The following VNN2 variants were observed in gnomAD, a reference collection of about 807,000 sequenced individuals.
VNN2 encodes pantetheine hydrolase VNN2.
VNN2 carries 43 observed loss-of-function variants against 43.0 expected under a neutral mutation model. The observed-to-expected ratio is 1.00, with a 90% CI of 0.78 to 1.29. The LOEUF is 1.29. Among genes scored for constraint, VNN2 ranks in the 50% most tolerant of loss-of-function variants. VNN2 has a pLI of 0.00. For missense variants in VNN2, 652 were observed against 619.7 expected, an observed-to-expected ratio of 1.05 and a Z score of -0.55; for synonymous variants, 230 against 224.3, an observed-to-expected ratio of 1.03 and a Z score of -0.23.
At chr6:132,757,099 G>A (rs972302144) in intron 2 of VNN2, among the ~76,000 whole-genome samples, 3 of 152,186 alleles carry the variant, frequency 2.0e-5, no homozygotes, top group Non-Finnish European at 4.4e-5. Context: ...AGAGGCTTTG[G>A]AATGTATTCC....
rs1434774374 is a variant in VNN2, at chr6:132,748,639, T to G, written c.1371+1056A>C. ...GAGAAGACATTAATATTCAAACCAC[T>G]GGAATATGTGTATGTATGCGTGTAT... On this transcript the variant is annotated intron_variant, in intron 6 of 6. Transcript: ENST00000326499. 2.6e-5 allele frequency among the ~76,000 whole-genome samples: 4 copies of G among 152,202 alleles called. No homozygotes were observed. In the East Asian group the frequency reaches 7.7e-4, roughly 29 times the overall value.
chr6:132,759,195 G>A (rs1025396858), upstream of VNN2, among the ~76,000 whole-genome samples: 3 of 152,062 alleles, frequency 2.0e-5, no homozygotes, highest in Admixed American at 6.5e-5. Context: ...CTAGCACTTT[G>A]GGAGGCCGAG....
chr6:132,756,854 T>C (rs906408915), intron 2 of VNN2, among the ~76,000 whole-genome samples: 1 of 152,214 alleles, frequency 6.6e-6, no homozygotes, highest in African/African-American at 2.4e-5. Context: ...GACTTGTCCA[T>C]GCAACTGCCA....
intron 5 of VNN2, among the ~76,000 whole-genome samples, chr6:132,750,218 C>G (rs372422601): frequency 6.6e-6 from 1 of 152,076 alleles, no homozygotes; most frequent in East Asian, 1.9e-4. Context: ...TTTTTCCACC[C>G]TTTAATCTCA....
chr6:132,762,334 T>C (rs953586675), upstream of VNN2, among the ~76,000 whole-genome samples: 1 of 152,210 alleles, frequency 6.6e-6, no homozygotes, highest in African/African-American at 2.4e-5. Flanking sequence ...TCATGTATTA[T>C]TATCAATGAC....
Position 132,757,408 on chromosome 6 carries a change from TA to T in VNN2, c.344+7del, listed in dbSNP as rs754238756. On this transcript the variant is annotated splice_region_variant and intron_variant, in intron 2 of 6. Coordinates refer to ENST00000326499, the MANE Select transcript of VNN2 (RefSeq NM_004665.6). Reference sequence around the variant, plus strand: ...CTTTTGCACAAAAGACTAAGATAGTTAAAATACCTGTGGGGGTCTTGACACG... The same window carrying T: ...CTTTTGCACAAAAGACTAAGATAGTTAAATACCTGTGGGGGTCTTGACACG... 4 of 1,589,146 alleles carry T rather than the reference TA, an allele frequency of 2.5e-6. No individual in the cohort carries two copies. The South Asian group carries it at 3.5e-5, about 14-fold the overall frequency.
At chr6:132,753,503 A>G (rs2114586098) in intron 3 of VNN2, 1 of 455,066 alleles carries the variant, frequency 2.2e-6, no homozygotes, top group Admixed American at 2.4e-5. Context: ...TTTCAAAATT[A>G]CCATAGAAAT....
At position 132,744,275 on chromosome 6, in the gene VNN2, A is replaced by T; in HGVS notation, c.*25T>A. The T allele has an allele frequency of 6.3e-7, 1 of 1,582,538 alleles. No individual in the cohort carries two copies. The highest frequency in any genetic ancestry group is 8.6e-7 in the Non-Finnish European group (1 of 1,168,422). ...ACACATTCAGCCAAGCATATGATGC[A>T]GAAGCTGAGTGATAAAGAGACGCCC... On this transcript the variant is annotated 3_prime_UTR_variant, in exon 7 of 7. Coordinates refer to ENST00000326499, the MANE Select transcript of VNN2 (RefSeq NM_004665.6).
At position 132,752,617 on chromosome 6, in the gene VNN2, C is replaced by A. The variant is rs1287325244; in HGVS notation, c.670G>T (p.Val224Leu). The change falls in exon 4 of 7, where the codon GTG becomes TTG. Residue 224 changes from valine to leucine, a missense_variant. Val to Leu is a conservative substitution (Grantham distance 32). Transcript: ENST00000326499. ...ATGGTGTCCACATGGAAATCTTTCA[C>A]CAGGGTAACACCAGGATCATAGAAG... is the stretch of plus-strand genomic sequence containing the variant. ...IFFYDPGVTL[V>L]KDFHVDTILF... 6.2e-7 allele frequency: 1 copy of A among 1,614,126 alleles called. No homozygotes were observed. The highest frequency in any genetic ancestry group is 8.5e-7 in the Non-Finnish European group (1 of 1,180,026).
At chr6:132,752,802 G>T in intron 3 of VNN2, 53 bp from the exon 4 acceptor site, 1 of 1,551,734 alleles carries the variant, frequency 6.4e-7, no homozygotes, top group South Asian at 1.3e-5. Context: ...TTGAAGAAAT[G>T]ACTCATAAAA....
upstream of VNN2, chr6:132,758,020 TC>T (rs371424201): frequency 0.11 from 35,744 of 321,218 alleles, 5,275 homozygotes; most frequent in African/African-American, 0.23. Context: ...TTCTTCTTCT[TC>T]TTCTTCTTCT....
chr6:132,758,656 G>T (rs142274405), upstream of VNN2, among the ~76,000 whole-genome samples: 5 of 149,738 alleles, frequency 3.3e-5, no homozygotes, highest in Non-Finnish European at 7.4e-5. Context: ...ATTTTTAGAC[G>T]GGGGGGAAAA....
upstream of VNN2, among the ~76,000 whole-genome samples, chr6:132,761,106 C>T (rs902606393): frequency 6.6e-6 from 1 of 151,918 alleles, no homozygotes; most frequent in African/African-American, 2.4e-5. Context: ...AAGTAAAAAA[C>T]CAAATTCAGG....
At chr6:132,758,642 G>A (rs568597902), upstream of VNN2, among the ~76,000 whole-genome samples, 3 of 152,076 alleles carry the variant, frequency 2.0e-5, no homozygotes, top group African/African-American at 7.2e-5. Context: ...CTTACATTGT[G>A]TTTATTTTTA....
Position 132,755,989 on chromosome 6 carries a change from C to T in VNN2, c.391G>A (p.Asp131Asn), listed in dbSNP as rs777948720. The T allele has an allele frequency of 1.2e-6, 2 of 1,614,038 alleles. No individual in the cohort carries two copies. The highest frequency in any genetic ancestry group is 1.7e-6 in the Non-Finnish European group (2 of 1,179,974). Residue 131 changes from aspartate to asparagine, a missense_variant, in exon 3 of 7, where the codon GAC (aspartate) becomes AAC (asparagine). Transcript: ENST00000326499. ...TTTGCCAAGACATAGATAGAGTTGT[C>T]CTTGGCCAGGCAGCTGAGTCTTGCT... ...VQARLSCLAKDNSIYVLANLG... is the reference protein window; with the variant it reads ...VQARLSCLAKNNSIYVLANLG...
rs763715002 is a variant in VNN2, at chr6:132,755,943, C to T, written c.437G>A (p.Cys146Tyr). ...VLANLGDKKP[C>Y]NSRDSTCPPN... Reference sequence around the variant, plus strand: ...AGGACATGTGGAGTCACGGGAATTACATGGCTTTTTGTCCCCCAAATTTGC... The same window carrying T: ...AGGACATGTGGAGTCACGGGAATTATATGGCTTTTTGTCCCCCAAATTTGC... The change falls in exon 3 of 7, where the codon TGT becomes TAT. Residue 146 changes from cysteine (C) to tyrosine (Y), a missense_variant. Coordinates refer to ENST00000326499, the MANE Select transcript of VNN2 (RefSeq NM_004665.6). 5 of 1,614,022 alleles carry T rather than the reference C, an allele frequency of 3.1e-6. No individual in the cohort carries two copies. The highest frequency in any genetic ancestry group is 4.2e-6 in the Non-Finnish European group (5 of 1,180,010).
intron 5 of VNN2, among the ~76,000 whole-genome samples, chr6:132,750,841 T>G (rs909252828): frequency 6.6e-6 from 1 of 152,168 alleles, no homozygotes; most frequent in Non-Finnish European, 1.5e-5. Flanking sequence ...GAAGTCTTCT[T>G]GATGTTCTCC....
At chr6:132,748,792 C>T (rs1286257039) in intron 6 of VNN2, among the ~76,000 whole-genome samples, 1 of 152,170 alleles carries the variant, frequency 6.6e-6, no homozygotes, top group African/African-American at 2.4e-5. Flanking sequence ...ATGCTGGGTG[C>T]AGTGGCACAT....
chr6:132,749,604 G>A (rs1779926950), intron 6 of VNN2, 91 bp downstream of exon 6: 2 of 1,271,704 alleles, frequency 1.6e-6, no homozygotes, highest in Non-Finnish European at 2.1e-6. Context: ...TTGTTACACA[G>A]CAGAAGTTAA....
Sources: gnomAD v4.1 joint callset for allele counts (sites outside exome capture counted in the v4.1 genomes callset) on GRCh38, gnomAD v4.1.1 for gene constraint, MANE v1.5 for transcripts, NCBI Gene and HGNC (gene_info 2026-07-23, HGNC 2026-07-21) for gene names.